The following GOLGB1 variants were observed in gnomAD, a reference collection of about 807,000 sequenced individuals.
The protein encoded by GOLGB1 is golgin subfamily B member 1.
A neutral mutation model predicts 336.9 loss-of-function variants in GOLGB1; 174 were observed. That is an observed-to-expected ratio of 0.52 (90% CI 0.46 to 0.59). The LOEUF is 0.59. Among genes scored for constraint, GOLGB1 ranks in the 20% least tolerant of loss-of-function variants. The pLI, the probability that GOLGB1 is intolerant of heterozygous loss-of-function variation, is 0.00. For synonymous variants in GOLGB1, 1,208 were observed against 1,289.2 expected, an observed-to-expected ratio of 0.94 and a Z score of 1.35; for missense variants, 3,331 against 3,645.3, an observed-to-expected ratio of 0.91 and a Z score of 2.22.
rs1292005618 is a variant in GOLGB1, at chr3:121,698,243, T to C, written c.2280A>G (p.Glu760=). The C allele has an allele frequency of 6.2e-7, 1 of 1,613,858 alleles. No homozygotes were observed. The highest frequency in any genetic ancestry group is 1.3e-5 in the African/African-American group (1 of 74,920). Residue 760 remains glutamate, a synonymous_variant, in exon 13 of 22, where the codon GAA becomes GAG. Coordinates refer to ENST00000614479, the MANE Select transcript of GOLGB1 (RefSeq NM_001366282.2). ...CCCTCAATTCTGTTACCATGCTAAG[T>C]TCCTTCACCTGAGAGAGAAGCTGGT... The part of the protein sequence containing the change: ...ERDQLLSQVK[E]LSMVTELRAQ...
Position 121,716,723 on chromosome 3 carries a change from A to C in GOLGB1, c.1288+14T>G. Reference sequence around the variant, plus strand: ...TGGTAGAGATGTGGACTTCAAAAGCAATCAGCTACTGACCTTCCAGTTGCT... The same window carrying C: ...TGGTAGAGATGTGGACTTCAAAAGCCATCAGCTACTGACCTTCCAGTTGCT... On this transcript the variant is annotated intron_variant, in intron 9 of 21. Transcript: ENST00000614479. 6.3e-7 allele frequency: 1 copy of C among 1,585,650 alleles called. No individual in the cohort carries two copies. The highest frequency in any genetic ancestry group is 1.1e-5 in the South Asian group (1 of 87,022).
intron 15 of GOLGB1, among the ~76,000 whole-genome samples, 185 bp downstream of exon 15, chr3:121,681,502 C>T (rs1404575162): frequency 3.3e-5 from 5 of 152,114 alleles, no homozygotes; most frequent in East Asian, 1.9e-4. Flanking sequence ...ATGTGGTCCG[C>T]GAATTGTACC....
chr3:121,690,625 T>A (rs377347697), intron 14 of GOLGB1, 45 bp downstream of exon 14: 7 of 1,021,840 alleles, frequency 6.9e-6, no homozygotes, highest in Non-Finnish European at 9.6e-6. Flanking sequence ...AAAGAAAGGT[T>A]CAAAAACTCT....
At chr3:121,728,178 T>A (rs1237872100) in intron 4 of GOLGB1, among the ~76,000 whole-genome samples, 1 of 151,976 alleles carries the variant, frequency 6.6e-6, no homozygotes, top group Non-Finnish European at 1.5e-5. Flanking sequence ...TTGAGAAGAT[T>A]GAGAAAAGCT....
intron 5 of GOLGB1, among the ~76,000 whole-genome samples, chr3:121,722,772 A>G (rs1407663235): frequency 6.6e-6 from 1 of 152,240 alleles, no homozygotes; most frequent in Admixed American, 6.5e-5. Context: ...AGAAGGCAGC[A>G]AAAGAGTGAA....
chr3:121,727,041 G>A lies in GOLGB1; in HGVS notation c.403C>T (p.His135Tyr). The part of the protein sequence containing the change: ...EPQSEEQLSK[H>Y]DKSSTEEEME... ...TCTTCCTCTGTAGAACTCTTGTCAT[G>A]CTGAAAATGCAGGAGATAAAGTCAT... The change falls in exon 5 of 22, where the codon CAT becomes TAT. Residue 135 changes from histidine to tyrosine, a missense_variant and splice_region_variant. Physicochemically the swap from His to Tyr is moderately conservative, Grantham distance 83 (BLOSUM62 2). Transcript: ENST00000614479. 6.5e-7 allele frequency: 1 copy of A among 1,534,670 alleles called. No homozygotes were observed. The highest frequency in any genetic ancestry group is 8.9e-7 in the Non-Finnish European group (1 of 1,123,468).
In GOLGB1 at chr3:121,691,505, G is replaced by C. The variant is rs371984492; in HGVS notation, c.7859C>G (p.Thr2620Arg). 2 of 1,611,994 alleles carry C rather than the reference G, an allele frequency of 1.2e-6. No individual in the cohort carries two copies. Among genetic ancestry groups the C allele is most frequent in the East Asian group, 2.2e-5 (1 of 44,862 alleles). The change falls in exon 14 of 22, where the codon ACA (threonine) becomes AGA (arginine). Residue 2620 changes from threonine to arginine, a missense_variant. Physicochemically the swap from Thr to Arg is moderately conservative, Grantham distance 71. Transcript: ENST00000614479. ...TTCTTGCAAGGCTGTTACTTGTCTTGTTAGCTGGGATATAGATACTTTCAA... is the reference window on the plus strand; with the variant it reads ...TTCTTGCAAGGCTGTTACTTGTCTTCTTAGCTGGGATATAGATACTTTCAA... ...ESLKVSISQL[T>R]RQVTALQEEG... is the part of the protein sequence containing the mutation.
At chr3:121,668,007 C>T in intron 19 of GOLGB1, 54 bp downstream of exon 19, 2 of 881,508 alleles carry the variant, frequency 2.3e-6, no homozygotes, top group Non-Finnish European at 3.6e-6. Context: ...TAGATTACTG[C>T]CCAATTTCTG....
In GOLGB1 at chr3:121,695,685, T is replaced by C. The variant is rs566108388; in HGVS notation, c.4838A>G (p.His1613Arg). Residue 1613 changes from histidine (H) to arginine (R), a missense_variant, in exon 13 of 22, where the codon CAC (histidine) becomes CGC (arginine). Transcript: ENST00000614479. ...IAESTEWQEK[H>R]KELQKEYEIL... Reference sequence around the variant, plus strand: ...TTCATACTCTTTTTGTAGCTCCTTGTGTTTCTCTTGCCACTCAGTACTTTC... The same window carrying C: ...TTCATACTCTTTTTGTAGCTCCTTGCGTTTCTCTTGCCACTCAGTACTTTC... The C allele has an allele frequency of 6.2e-7, 1 of 1,612,162 alleles. No homozygotes were observed. Among genetic ancestry groups the C allele is most frequent in the Admixed American group, 1.7e-5 (1 of 60,020 alleles).
chr3:121,679,788 C>T (rs2107655363), intron 15 of GOLGB1, among the ~76,000 whole-genome samples: 1 of 152,320 alleles, frequency 6.6e-6, no homozygotes, highest in East Asian at 1.9e-4. Flanking sequence ...CTCTCTCCGA[C>T]TGCCCCTCCT....
Position 121,694,462 on chromosome 3 carries a change from C to A in GOLGB1, c.6061G>T (p.Glu2021Ter). 1 of 1,612,440 alleles carries A rather than the reference C, an allele frequency of 6.2e-7. No individual in the cohort carries two copies. ...HAKELQELLK[E>*]KQQEVKQLQK... is the part of the protein sequence containing the mutation. ...AGCTGCTTTACTTCTTGTTGTTTTT[C>A]TTTTAACAGTTCCTGAAGTTCCTTT... The change falls in exon 13 of 22, where the codon GAA (glutamate) becomes TAA (stop). Residue 2021 changes from glutamate to a stop codon, truncating the protein, a stop_gained. Coordinates refer to ENST00000614479, the MANE Select transcript of GOLGB1 (RefSeq NM_001366282.2). LOFTEE classifies it high-confidence loss of function.
chr3:121,717,809 G>C (rs899835218), intron 8 of GOLGB1, among the ~76,000 whole-genome samples: 21 of 152,186 alleles, frequency 1.4e-4, no homozygotes, highest in Admixed American at 1.1e-3. Flanking sequence ...CTAAATGCTT[G>C]GGACCAGAAG....
At chr3:121,677,190 TG>T in intron 16 of GOLGB1, 94 bp downstream of exon 16, 1 of 1,230,510 alleles carries the variant, frequency 8.1e-7, no homozygotes, top group Non-Finnish European at 1.2e-6. Flanking sequence ...TGATGCTTTC[TG>T]GGTAGCGTCT....
chr3:121,677,204 A>C, intron 16 of GOLGB1, 81 bp downstream of exon 16: 1 of 1,304,858 alleles, frequency 7.7e-7, no homozygotes, highest in Non-Finnish European at 1.1e-6. Context: ...TAGCGTCTTA[A>C]AAAAAAAACA....
At chr3:121,689,186 A>G (rs1190818622) in intron 14 of GOLGB1, among the ~76,000 whole-genome samples, 1 of 152,038 alleles carries the variant, frequency 6.6e-6, no homozygotes. Context: ...CATGATGACA[A>G]TGGCGGTTTT....
Position 121,681,728 on chromosome 3 carries a change from C to G in GOLGB1, c.8832G>C (p.Arg2944Ser). The G allele has an allele frequency of 9.3e-6, 15 of 1,612,664 alleles. No homozygotes were observed. Among genetic ancestry groups the G allele is most frequent in the Non-Finnish European group, 1.3e-5 (15 of 1,178,992 alleles). Residue 2944 changes from arginine (R) to serine (S), a missense_variant, in exon 15 of 22, where the codon AGG becomes AGC. Arg to Ser is a moderately radical substitution (Grantham distance 110). Coordinates refer to ENST00000614479, the MANE Select transcript of GOLGB1 (RefSeq NM_001366282.2). ...KAFQIMQEELRQENLSWQHEL... is the reference protein window; with the variant it reads ...KAFQIMQEELSQENLSWQHEL... Reference sequence around the variant, plus strand: ...CATGCTGCCAGGAGAGGTTTTCCTGCCTGAGCTCTTCTTGCATAATCTGAA... The same window carrying G: ...CATGCTGCCAGGAGAGGTTTTCCTGGCTGAGCTCTTCTTGCATAATCTGAA...
chr3:121,684,208 A>G (rs1233298925), intron 14 of GOLGB1, among the ~76,000 whole-genome samples: 1 of 149,418 alleles, frequency 6.7e-6, no homozygotes, highest in African/African-American at 2.4e-5. Flanking sequence ...TAAGAATATA[A>G]TGGCAAAAAT....
In GOLGB1 at chr3:121,697,017, T is replaced by C; in HGVS notation, c.3506A>G (p.Glu1169Gly). The C allele has an allele frequency of 6.2e-7, 1 of 1,614,124 alleles. No homozygotes were observed. The highest frequency in any genetic ancestry group is 8.5e-7 in the Non-Finnish European group (1 of 1,179,968). Reference protein sequence around the residue: ...SSEHWKPELEEKILALEKEKE... With the variant: ...SSEHWKPELEGKILALEKEKE... ...TTCTTTTTCAAGGGCCAGTATCTTT[T>C]CTTCTAGTTCTGGTTTCCAGTGTTC... is the stretch of plus-strand genomic sequence containing the variant. The change falls in exon 13 of 22, where the codon GAA becomes GGA. Residue 1169 changes from glutamate (E) to glycine (G), a missense_variant. Physicochemically the swap from Glu to Gly is moderately conservative, Grantham distance 98. Coordinates refer to ENST00000614479, the MANE Select transcript of GOLGB1 (RefSeq NM_001366282.2).
Position 121,725,332 on chromosome 3 carries a change from G to A in GOLGB1, c.531+1581C>T, listed in dbSNP as rs143271751. Among the ~76,000 whole-genome samples the A allele has an allele frequency of 4.5e-3, 688 of 152,264 alleles. 5 individuals are homozygous for A. The highest frequency in any genetic ancestry group is 0.015 in the African/African-American group (632 of 41,550). On this transcript the variant is annotated intron_variant, in intron 5 of 21. Coordinates refer to ENST00000614479, the MANE Select transcript of GOLGB1 (RefSeq NM_001366282.2). ...GTCTTGGGGACCCAACCCCTGTACCGGCAGAGGATGCTGAAAATGGAGTAA... is the reference window on the plus strand; with the variant it reads ...GTCTTGGGGACCCAACCCCTGTACCAGCAGAGGATGCTGAAAATGGAGTAA...
Sources: allele counts gnomAD v4.1 joint callset (sites outside exome capture counted in the v4.1 genomes callset), GRCh38; gene constraint gnomAD v4.1.1; transcripts MANE v1.5; gene names NCBI Gene and HGNC (gene_info 2026-07-23, HGNC 2026-07-21).